Variants in ZSCAN1 observed in about 807,000 individuals in gnomAD.
The protein encoded by ZSCAN1 is zinc finger and SCAN domain containing 1, also known as zinc finger and SCAN domain-containing protein 1.
Under a neutral mutation model 23.8 loss-of-function variants are expected in ZSCAN1, and 23 were observed. That is an observed-to-expected ratio of 0.97 (90% CI 0.70 to 1.37). The LOEUF (loss-of-function observed/expected upper bound fraction) is 1.37, where lower values mean the gene tolerates loss of function less well. Ranked by LOEUF, ZSCAN1 falls within the 40% of genes most tolerant of loss-of-function variation. The pLI, the probability that ZSCAN1 is intolerant of heterozygous loss-of-function variation, is 0.00. For missense variants in ZSCAN1, 575 were observed against 554.0 expected, an observed-to-expected ratio of 1.04 and a Z score of -0.38; for synonymous variants, 236 against 232.3, an observed-to-expected ratio of 1.02 and a Z score of -0.15.
At chr19:58,042,578 C>T (rs189137123) in intron 4 of ZSCAN1, among the ~76,000 whole-genome samples, 188 of 152,284 alleles carry the variant, frequency 1.2e-3, no homozygotes, top group African/African-American at 4.1e-3. Context: ...ATGAGAGCCC[C>T]TCTCCTGCAC....
chr19:58,046,090 C>T, intron 4 of ZSCAN1: 1 of 683,606 alleles, frequency 1.5e-6, no homozygotes. Flanking sequence ...GCCAGGGGCC[C>T]AGCCCCAGCC....
rs2073875287 is a variant in ZSCAN1 at position 58,053,861 on chromosome 19, C to G, written c.1037C>G (p.Pro346Arg). 1.9e-6 allele frequency: 3 copies of G among 1,613,786 alleles called. No individual in the cohort carries two copies. The highest frequency in any genetic ancestry group is 1.3e-5 in the African/African-American group (1 of 74,934). ...CATGGCAAGATCCACCTGCTGGAGC[C>G]ACCGAGGAAGAAAGCCCCCCGGAGC... is the stretch of plus-strand genomic sequence containing the variant. Reference protein sequence around the residue: ...TEHGKIHLLEPPRKKAPRSKG... With the variant: ...TEHGKIHLLERPRKKAPRSKG... Residue 346 changes from proline to arginine, a missense_variant, in exon 6 of 6, where the codon CCA becomes CGA. Transcript: ENST00000282326. This position sits in a 1 kb window ranked among gnomAD's most constrained non-coding sequence, Gnocchi z 5.8.
At position 58,053,733 on chromosome 19, in the gene ZSCAN1, G is replaced by A. The variant is rs1266669676; in HGVS notation, c.909G>A (p.Trp303Ter). 2 of 1,614,040 alleles carry A rather than the reference G, an allele frequency of 1.2e-6. No homozygotes were observed. The highest frequency in any genetic ancestry group is 2.7e-5 in the African/African-American group (2 of 75,014). The stretch of plus-strand genomic sequence containing the variant: ...CCGACTGTGGGATGGTCTTCACCTG[G>A]GTCACCCACTTCATCGAGCACCAGA... ...QCADCGMVFT[W>*]VTHFIEHQKT... The change falls in exon 6 of 6, where the codon TGG becomes TGA. Residue 303 changes from tryptophan to a stop codon, truncating the protein, a stop_gained. Coordinates refer to ENST00000282326, the MANE Select transcript of ZSCAN1 (RefSeq NM_182572.4). LOFTEE classifies it low-confidence loss of function (END_TRUNC). The surrounding 1 kb of genome is among the most constrained non-coding windows in gnomAD (Gnocchi z 5.8).
intron 4 of ZSCAN1, chr19:58,044,812 A>C: frequency 1.4e-6 from 1 of 733,938 alleles, no homozygotes; most frequent in South Asian, 1.5e-5. Flanking sequence ...TTGGACTCTG[A>C]GGCCCGAGTG....
downstream of ZSCAN1, among the ~76,000 whole-genome samples, chr19:58,055,352 C>T (rs2123449590): frequency 6.6e-6 from 1 of 152,300 alleles, no homozygotes; most frequent in Admixed American, 6.5e-5. Context: ...CGCTTGCCTT[C>T]TCACGCTTGC....
rs147151087 is a variant in ZSCAN1, at chr19:58,040,493, C to T, written c.414C>T (p.Phe138=). The T allele has an allele frequency of 1.3e-5, 21 of 1,613,592 alleles. No individual in the cohort carries two copies. The highest frequency in any genetic ancestry group is 1.6e-4 in the Middle Eastern group (1 of 6,062). The part of the protein sequence containing the change: ...LDSVEPQDWS[F]GEEEDGKSPR... ...CGGTCGAACCCCAGGACTGGAGTTT[C>T]GGTGAGGAGGAAGATGGGAAGAGTC... The change falls in exon 4 of 6, where the codon TTC becomes TTT. Residue 138 remains phenylalanine (F), a synonymous_variant. Coordinates refer to ENST00000282326, the MANE Select transcript of ZSCAN1 (RefSeq NM_182572.4). This position sits in a 1 kb window ranked among gnomAD's most constrained non-coding sequence, Gnocchi z 5.8.
chr19:58,051,632 G>A (rs2073859104), intron 4 of ZSCAN1, among the ~76,000 whole-genome samples: 1 of 152,180 alleles, frequency 6.6e-6, no homozygotes, highest in Non-Finnish European at 1.5e-5. Context: ...GTCAGTGCGT[G>A]CTTGACTCCT....
Position 58,053,892 on chromosome 19 carries a change from C to T in ZSCAN1, c.1068C>T (p.Gly356=). ...PPRKKAPRSK[G]PRESVPPRDG... is the part of the protein sequence containing the mutation. ...GGAAGAAAGCCCCCCGGAGCAAGGGCCCCCGGGAGTCCGTCCCACCCAGGG... is the reference window on the plus strand; with the variant it reads ...GGAAGAAAGCCCCCCGGAGCAAGGGTCCCCGGGAGTCCGTCCCACCCAGGG... The change falls in exon 6 of 6, where the codon GGC becomes GGT. Residue 356 remains glycine (G), a synonymous_variant. Transcript: ENST00000282326. The surrounding 1 kb of genome is among the most constrained non-coding windows in gnomAD (Gnocchi z 5.8). 1 of 1,613,136 alleles carries T rather than the reference C, an allele frequency of 6.2e-7. No individual in the cohort carries two copies. The highest frequency in any genetic ancestry group is 8.5e-7 in the Non-Finnish European group (1 of 1,179,254).
At chr19:58,044,725 T>G in intron 4 of ZSCAN1, 1 of 744,702 alleles carries the variant, frequency 1.3e-6, no homozygotes. Flanking sequence ...GTTGAGGAGC[T>G]GCCCGAAAGT....
Position 58,053,958 on chromosome 19 carries a change from A to T in ZSCAN1, c.1134A>T (p.Arg378Ser). The T allele has an allele frequency of 1.9e-6, 3 of 1,609,170 alleles. No individual in the cohort carries two copies. Among genetic ancestry groups the T allele is most frequent in the Middle Eastern group, 3.3e-4 (2 of 6,038 alleles). Residue 378 changes from arginine to serine, a missense_variant, in exon 6 of 6, where the codon AGA (arginine) becomes AGT (serine). Coordinates refer to ENST00000282326, the MANE Select transcript of ZSCAN1 (RefSeq NM_182572.4). The surrounding 1 kb of genome is among the most constrained non-coding windows in gnomAD (Gnocchi z 5.8). ...QGPVAPRSPK[R>S]PFQCSVCGKA... ...CAGTGGCCCCTCGCAGCCCCAAAAG[A>T]CCCTTCCAGTGTAGCGTCTGCGGGA... is the stretch of plus-strand genomic sequence containing the variant.
At chr19:58,036,893 A>G (rs974231933) in intron 2 of ZSCAN1, among the ~76,000 whole-genome samples, 1 of 152,138 alleles carries the variant, frequency 6.6e-6, no homozygotes, top group African/African-American at 2.4e-5. Context: ...CATGTCGGTC[A>G]GGCTGGTCTT....
At chr19:58,052,690 C>A in intron 5 of ZSCAN1, 62 bp downstream of exon 5, 1 of 1,520,834 alleles carries the variant, frequency 6.6e-7, no homozygotes, top group South Asian at 1.3e-5. Context: ...CAACCCAAAG[C>A]CACAGACTTT....
chr19:58,045,388 A>T lies in ZSCAN1; in HGVS notation c.465+4844A>T. ...GCCGAGTTCCTCCAGGACACCATCC[A>T]GGAGATGGCCTTGAAGAACGAGGCA... On this transcript the variant is annotated intron_variant, in intron 4 of 5. Transcript: ENST00000282326. This position sits in a 1 kb window ranked among gnomAD's most constrained non-coding sequence, Gnocchi z 4.3. The T allele has an allele frequency of 1.1e-6, 1 of 893,092 alleles. No individual in the cohort carries two copies. Among genetic ancestry groups the T allele is most frequent in the East Asian group, 2.4e-5 (1 of 41,708 alleles). 55.3% of individuals were successfully genotyped at this position (893,092 alleles called of 1,614,324 possible).
At position 58,053,335 on chromosome 19, in the gene ZSCAN1, C is replaced by T; in HGVS notation, c.605-94C>T. The stretch of plus-strand genomic sequence containing the variant: ...GCAGAGGAAGGGCCTGGACTTGGCT[C>T]AGTCACTGGGGTCCTCCGTGCCCCT... On this transcript the variant is annotated intron_variant, in intron 5 of 5. Coordinates refer to ENST00000282326, the MANE Select transcript of ZSCAN1 (RefSeq NM_182572.4). The surrounding 1 kb of genome is among the most constrained non-coding windows in gnomAD (Gnocchi z 5.8). The T allele has an allele frequency of 6.7e-7, 1 of 1,495,384 alleles. No individual in the cohort carries two copies. Among genetic ancestry groups the T allele is most frequent in the Non-Finnish European group, 9.0e-7 (1 of 1,111,910 alleles). 92.6% of individuals were successfully genotyped at this position (1,495,384 alleles called of 1,614,324 possible).
chr19:58,052,493 TCTGAG>T lies in ZSCAN1; in HGVS notation c.474_478del (p.Glu158AspfsTer16). The T allele has an allele frequency of 6.2e-7, 1 of 1,614,126 alleles. No homozygotes were observed. On this transcript the variant is annotated frameshift_variant, in exon 5 of 6. Coordinates refer to ENST00000282326, the MANE Select transcript of ZSCAN1 (RefSeq NM_182572.4). LOFTEE classifies it high-confidence loss of function. ...AGTCCTGTGCTTGCCATTCTAGGCG[TCTGAG>T]CTGATTCTGGATGCAGTGGCAGCAG...
intron 4 of ZSCAN1, among the ~76,000 whole-genome samples, chr19:58,044,430 T>A (rs2073810254): frequency 6.6e-6 from 1 of 151,378 alleles, no homozygotes; most frequent in African/African-American, 2.4e-5. Flanking sequence ...ACCAAAAACA[T>A]CGAAGCTGGG....
In ZSCAN1 at chr19:58,034,125, GA is replaced by G. The variant is rs1237054152; in HGVS notation, c.-187del. 1.3e-5 allele frequency: 2 copies of G among 151,362 alleles called. No homozygotes were observed. The highest frequency in any genetic ancestry group is 2.4e-5 in the African/African-American group (1 of 41,344). The allele number at this position is 151,362 out of a possible 1,614,324, so 9.4% of individuals were successfully genotyped here. On this transcript the variant is annotated 5_prime_UTR_variant, in exon 1 of 6. The change abolishes the stop of an existing upstream ORF in the 5' untranslated region. Transcript: ENST00000282326. ...CGCTCGCCAGCCCAGGGGTCGCCAT[GA>G]CCGAGTGGCCCAGGCCCGAGCGAAG...
At chr19:58,048,205 A>G (rs117980889) in intron 4 of ZSCAN1, among the ~76,000 whole-genome samples, 498 of 152,370 alleles carry the variant, frequency 3.3e-3, no homozygotes, top group Middle Eastern at 6.8e-3. Context: ...GATTTCAATT[A>G]TTTGAGAAAG....
chr19:58,041,639 C>T (rs1342906397), intron 4 of ZSCAN1, among the ~76,000 whole-genome samples: 1 of 152,024 alleles, frequency 6.6e-6, no homozygotes, highest in Non-Finnish European at 1.5e-5. Flanking sequence ...TGAGGCCTCA[C>T]GGGAGGCTGA....
Sources: gnomAD v4.1 joint callset for allele counts (sites outside exome capture counted in the v4.1 genomes callset) on GRCh38, gnomAD v4.1.1 for gene constraint, Gnocchi (gnomAD v3.1) non-coding constraint, MANE v1.5 for transcripts, NCBI Gene and HGNC (gene_info 2026-07-23, HGNC 2026-07-21) for gene names.